TANGO6: variants seen among roughly 807,000 people sequenced by gnomAD.
The protein encoded by TANGO6 is transport and golgi organization 6 homolog, also known as transport and Golgi organization protein 6 homolog.
Under a neutral mutation model 114.2 loss-of-function variants are expected in TANGO6, and 90 were observed. The observed-to-expected ratio is 0.79, with a 90% CI of 0.66 to 0.94. The LOEUF is 0.94. TANGO6 is among the 40% of genes least tolerant of loss of function. The pLI is 0.00. For missense variants in TANGO6, 1,274 were observed against 1,315.3 expected (o/e 0.97, Z 0.49); for synonymous variants, 477 against 509.8 (o/e 0.94, Z 0.87).
At chr16:68,853,920 A>G (rs1229144254) in intron 1 of TANGO6, among the ~76,000 whole-genome samples, 1 of 152,228 alleles carries the variant, frequency 6.6e-6, no homozygotes, top group African/African-American at 2.4e-5. Flanking sequence ...GGTCATTTGA[A>G]TAACTTCTTT....
At chr16:69,042,645 G>A (rs1959791695) in intron 17 of TANGO6, among the ~76,000 whole-genome samples, 1 of 152,216 alleles carries the variant, frequency 6.6e-6, no homozygotes, top group Admixed American at 6.6e-5. Context: ...TTAGGACCTT[G>A]ATGGGGATGG....
chr16:69,074,279 G>GTGTA (rs1555530683), intron 17 of TANGO6, among the ~76,000 whole-genome samples: 11 of 150,444 alleles, frequency 7.3e-5, no homozygotes, highest in African/African-American at 1.9e-4. Flanking sequence ...GTGTGTGTGT[G>GTGTA]TATATATATA....
At chr16:69,079,641 C>T (rs1361747709) in intron 17 of TANGO6, among the ~76,000 whole-genome samples, 1 of 151,858 alleles carries the variant, frequency 6.6e-6, no homozygotes, top group African/African-American at 2.4e-5. Flanking sequence ...GAAAAAAATA[C>T]AAATTTATGT....
chr16:69,049,385 A>G (rs1046333043), intron 17 of TANGO6, among the ~76,000 whole-genome samples: 2 of 151,274 alleles, frequency 1.3e-5, no homozygotes, highest in African/African-American at 4.9e-5. Flanking sequence ...CTTTAGTATC[A>G]TGTGGTTAAG....
chr16:69,055,883 C>G (rs1270140636), intron 17 of TANGO6, among the ~76,000 whole-genome samples: 1 of 151,824 alleles, frequency 6.6e-6, no homozygotes. Context: ...CTGAAAATAC[C>G]AAAAAATTAG....
At chr16:69,064,965 A>T (rs1384535787) in intron 17 of TANGO6, among the ~76,000 whole-genome samples, 3 of 152,160 alleles carry the variant, frequency 2.0e-5, no homozygotes, top group Non-Finnish European at 4.4e-5. Context: ...CTGTTCCCCC[A>T]TATGTGATCA....
intron 15 of TANGO6, among the ~76,000 whole-genome samples, chr16:68,980,875 G>T (rs933216930): frequency 6.6e-6 from 1 of 151,754 alleles, no homozygotes; most frequent in Admixed American, 6.6e-5. Context: ...GGCGCCTGTA[G>T]TGCCAGCTAC....
At chr16:69,072,122 C>CGTGTGTGTGT (rs10687062) in intron 17 of TANGO6, among the ~76,000 whole-genome samples, 1,214 of 116,654 alleles carry the variant, frequency 0.01, 22 homozygotes, top group Non-Finnish European at 0.014. Flanking sequence ...AGAGGGAGAC[C>CGTGTGTGTGT]GTGTGTGTGT....
intron 7 of TANGO6, among the ~76,000 whole-genome samples, chr16:68,890,247 C>T (rs1962592079): frequency 6.6e-6 from 1 of 152,140 alleles, no homozygotes; most frequent in Non-Finnish European, 1.5e-5. Context: ...AAAATATTTC[C>T]ATTCACAATA....
At chr16:68,943,922 A>G (rs1963386003) in intron 14 of TANGO6, among the ~76,000 whole-genome samples, 2 of 152,216 alleles carry the variant, frequency 1.3e-5, no homozygotes, top group South Asian at 2.1e-4. Context: ...GAGTTAGCTT[A>G]GAGCAAGAGA....
At chr16:69,074,336 T>C (rs984215053) in intron 17 of TANGO6, among the ~76,000 whole-genome samples, 6 of 151,928 alleles carry the variant, frequency 3.9e-5, no homozygotes, top group Admixed American at 1.3e-4. Flanking sequence ...AAGAGGCTTC[T>C]TGGATCTTGT....
intron 12 of TANGO6, among the ~76,000 whole-genome samples, chr16:68,922,495 C>T (rs1338721996): frequency 3.3e-5 from 5 of 151,854 alleles, no homozygotes; most frequent in Non-Finnish European, 7.4e-5. Context: ...GAGACCATGC[C>T]ACTGCACTCC....
chr16:68,850,481 A>G (rs1056125029), intron 1 of TANGO6, among the ~76,000 whole-genome samples: 5 of 152,190 alleles, frequency 3.3e-5, no homozygotes, highest in Admixed American at 2.0e-4. Flanking sequence ...AACAAATCCA[A>G]CATTACCACT....
chr16:68,860,238 A>G lies in TANGO6; in HGVS notation c.449A>G (p.Gln150Arg). 6.2e-7 allele frequency: 1 copy of G among 1,613,964 alleles called. No homozygotes were observed. The highest frequency in any genetic ancestry group is 8.5e-7 in the Non-Finnish European group (1 of 1,179,890). The change falls in exon 2 of 18, where the codon CAG becomes CGG. Residue 150 changes from glutamine (Q) to arginine (R), a missense_variant. By Grantham distance (43) the Gln-to-Arg change is conservative. Around this residue, in one of 5 missense-constraint regions of TANGO6, gnomAD observed 908 missense variants for 910.2 expected, o/e 1.00. Transcript: ENST00000261778. The stretch of plus-strand genomic sequence containing the variant: ...CAGAAGACTGTCCAGTTCGTTTTGC[A>G]GTTTGTAGTTACCTTGGGTATCTGC... ...SQQKTVQFVL[Q>R]FVVTLGICPY...
intron 4 of TANGO6, among the ~76,000 whole-genome samples, chr16:68,868,895 TC>T (rs1398972916): frequency 2.0e-5 from 3 of 152,202 alleles, no homozygotes; most frequent in African/African-American, 7.2e-5. Context: ...TTGTTCTCTT[TC>T]ATAACACTGC....
chr16:68,926,576 G>A (rs1203652965), intron 12 of TANGO6, among the ~76,000 whole-genome samples: 1 of 151,198 alleles, frequency 6.6e-6, no homozygotes, highest in Non-Finnish European at 1.5e-5. Flanking sequence ...TGCCCAAGCT[G>A]GAGGGCAGTG....
chr16:69,018,750 A>G (rs897553250), intron 15 of TANGO6, among the ~76,000 whole-genome samples: 15 of 151,706 alleles, frequency 9.9e-5, no homozygotes, highest in Non-Finnish European at 1.8e-4. Context: ...GTGAAACCCC[A>G]TCTCTACTAA....
intron 13 of TANGO6, among the ~76,000 whole-genome samples, chr16:68,929,760 A>G (rs1249748135): frequency 1.3e-5 from 2 of 152,206 alleles, no homozygotes; most frequent in African/African-American, 2.4e-5. Context: ...GATTTTCAAA[A>G]ATAAATTAGA....
chr16:68,967,888 C>G (rs779771765), intron 14 of TANGO6, among the ~76,000 whole-genome samples: 45 of 152,032 alleles, frequency 3.0e-4, no homozygotes, highest in Non-Finnish European at 5.6e-4. Context: ...TAAAAGTACA[C>G]GACACCCAAA....
Sources: gnomAD v4.1 joint callset for allele counts (sites outside exome capture counted in the v4.1 genomes callset) on GRCh38, gnomAD v4.1.1 for gene constraint, gnomAD v4.1.1 regional missense constraint, MANE v1.5 for transcripts, NCBI Gene and HGNC (gene_info 2026-07-23, HGNC 2026-07-21) for gene names.